Variants in BRCA2 observed in about 807,000 individuals in gnomAD.
BRCA2 encodes the protein breast cancer type 2 susceptibility protein.
BRCA2 carries 203 observed loss-of-function variants against 276.7 expected under a neutral mutation model. That is an observed-to-expected ratio of 0.73 (90% CI 0.65 to 0.82). The LOEUF (loss-of-function observed/expected upper bound fraction) is 0.82. Ranked by LOEUF, BRCA2 falls within the 40% of genes least tolerant of loss-of-function variation. BRCA2 has a pLI of 0.00. For missense variants in BRCA2, 3,920 were observed against 3,915.0 expected (o/e 1.00, Z -0.03); for synonymous variants, 1,289 against 1,338.4 (o/e 0.96, Z 0.81).
chr13:32,324,788 G>A (rs373015537), intron 3 of BRCA2, among the ~76,000 whole-genome samples: 8 of 152,050 alleles, frequency 5.3e-5, no homozygotes, highest in African/African-American at 1.7e-4. Flanking sequence ...CCACACCAGC[G>A]TTTTCTTTGT....
At chr13:32,361,874 C>CT (rs919894392) in intron 16 of BRCA2, among the ~76,000 whole-genome samples, 18 of 152,132 alleles carry the variant, frequency 1.2e-4, no homozygotes, top group African/African-American at 4.1e-4. Flanking sequence ...AGCACCAAGA[C>CT]TAAGAAAGGC....
intron 16 of BRCA2, among the ~76,000 whole-genome samples, chr13:32,359,222 GAAAAAAAA>G (rs67041705): frequency 2.0e-4 from 21 of 107,384 alleles, no homozygotes; most frequent in African/African-American, 5.3e-4. Flanking sequence ...TCCATCTCAA[GAAAAAAAA>G]AAAAAAAAAA....
intron 16 of BRCA2, among the ~76,000 whole-genome samples, chr13:32,360,425 T>C (rs1239012759): frequency 6.6e-6 from 1 of 152,170 alleles, no homozygotes; most frequent in African/African-American, 2.4e-5. Flanking sequence ...AGTGGTGCAA[T>C]CTCGGCTCAC....
rs80358708 is a variant in BRCA2 at position 32,339,209 on chromosome 13, T to A, written c.4854T>A (p.Asp1618Glu). ...TGGTGCCACCTAAGCTCTTAAGTGA[T>A]AATTTATGTAGACAAACTGAAAATC... ...ETVVPPKLLS[D>E]NLCRQTENLK... The change falls in exon 11 of 27, where the codon GAT (aspartate) becomes GAA (glutamate). Residue 1618 changes from aspartate to glutamate, a missense_variant. Transcript: ENST00000380152. 26 of 1,613,466 alleles carry A rather than the reference T, an allele frequency of 1.6e-5. No homozygotes were observed. The East Asian group carries it at 5.6e-4, about 35-fold the overall frequency.
rs2072416501 is a variant in BRCA2, at chr13:32,333,045, C to A, written c.1567C>A (p.His523Asn). 3 of 1,607,952 alleles carry A rather than the reference C, an allele frequency of 1.9e-6. No individual in the cohort carries two copies. In the South Asian group the frequency reaches 3.4e-5, roughly 18 times the overall value. ...KETFNASFSG[H>N]MTDPNFKKET... ...GACTTTCAATGCAAGTTTTTCAGGT[C>A]ATATGACTGATCCAAACTTTAAAAA... is the stretch of plus-strand genomic sequence containing the variant. Residue 523 changes from histidine to asparagine, a missense_variant, in exon 10 of 27, where the codon CAT becomes AAT. Coordinates refer to ENST00000380152, the MANE Select transcript of BRCA2 (RefSeq NM_000059.4).
intron 16 of BRCA2, among the ~76,000 whole-genome samples, chr13:32,359,296 T>TAA (rs2137570814): frequency 6.6e-6 from 1 of 151,620 alleles, no homozygotes; most frequent in South Asian, 2.1e-4. Flanking sequence ...GACACACACT[T>TAA]ACTTCATGTT....
At chr13:32,381,891 G>A (rs2072926662) in intron 24 of BRCA2, among the ~76,000 whole-genome samples, 1 of 152,182 alleles carries the variant, frequency 6.6e-6, no homozygotes, top group African/African-American at 2.4e-5. Context: ...GTATTTTGAA[G>A]GTAGGGGGAC....
chr13:32,372,969 C>T (rs892012198), intron 20 of BRCA2, among the ~76,000 whole-genome samples: 6 of 151,380 alleles, frequency 4.0e-5, no homozygotes, highest in Non-Finnish European at 8.8e-5. Context: ...CATGCAAGTC[C>T]GAAACCTAGC....
chr13:32,326,469 T>C (rs773767096), intron 6 of BRCA2, 30 bp from the exon 7 acceptor site: 40 of 1,536,254 alleles, frequency 2.6e-5, no homozygotes, highest in Non-Finnish European at 3.1e-5. Flanking sequence ...GGCATTTCTA[T>C]AAAAAATAAA....
chr13:32,347,046 T>G, intron 13 of BRCA2, 150 bp downstream of exon 13: 1 of 602,082 alleles, frequency 1.7e-6, no homozygotes, highest in Non-Finnish European at 2.8e-6. Flanking sequence ...GGTAGTATTT[T>G]ATAGTGCTGT....
chr13:32,376,521 C>CAA (rs200156944), intron 20 of BRCA2, 149 bp from the exon 21 acceptor site: 4,507 of 711,802 alleles, frequency 6.3e-3, no homozygotes, highest in East Asian at 0.015. Context: ...GACCCTGTCT[C>CAA]AAAAAAAAAA....
At chr13:32,379,947 A>AT (rs750840618) in intron 23 of BRCA2, 34 bp downstream of exon 23, 2 of 1,613,088 alleles carry the variant, frequency 1.2e-6, no homozygotes, top group Non-Finnish European at 1.7e-6. Context: ...TTCAGTTTTG[A>AT]TAAGTGCTTG....
Position 32,363,281 on chromosome 13 carries a change from A to G in BRCA2, c.8079A>G (p.Ile2693Met), listed in dbSNP as rs1566245426. 5 of 1,614,206 alleles carry G rather than the reference A, an allele frequency of 3.1e-6. No individual in the cohort carries two copies. Among genetic ancestry groups the G allele is most frequent in the Non-Finnish European group, 4.2e-6 (5 of 1,180,022 alleles). The change falls in exon 18 of 27, where the codon ATA (isoleucine) becomes ATG (methionine). Residue 2693 changes from isoleucine to methionine, a missense_variant. Physicochemically the swap from Ile to Met is conservative, Grantham distance 10. This residue lies in a region of BRCA2 where 3,263 missense variants were observed against 3,156.9 expected (regional missense o/e 1.03). Coordinates refer to ENST00000380152, the MANE Select transcript of BRCA2 (RefSeq NM_000059.4). ...AKTLVLCVSDIISLSANISET... is the reference protein window; with the variant it reads ...AKTLVLCVSDMISLSANISET... Reference sequence around the variant, plus strand: ...CACTTGTTCTCTGTGTTTCTGACATAATTTCATTGAGCGCAAATATATCTG... The same window carrying G: ...CACTTGTTCTCTGTGTTTCTGACATGATTTCATTGAGCGCAAATATATCTG...
chr13:32,318,510 C>T (rs1231433747), intron 2 of BRCA2, among the ~76,000 whole-genome samples: 3 of 151,524 alleles, frequency 2.0e-5, no homozygotes, highest in Non-Finnish European at 2.9e-5. Flanking sequence ...GGCGTGATCT[C>T]GGCTCACTGC....
In BRCA2 at chr13:32,337,648, AT is replaced by A. The variant is rs80359383; in HGVS notation, c.3295del (p.Ser1099GlnfsTer5). The part of the protein sequence containing the change: ...PQMLFSKQDF[N>X]SNHNLTPSQK... ...ATGTTATTTTCCAAGCAGGATTTTA[AT>A]TCAAACCATAATTTAACACCTAGCC... On this transcript the variant is annotated frameshift_variant, in exon 11 of 27. Transcript: ENST00000380152. LOFTEE classifies it high-confidence loss of function. The A allele has an allele frequency of 1.3e-6, 2 of 1,588,384 alleles. No individual in the cohort carries two copies. Among genetic ancestry groups the A allele is most frequent in the Non-Finnish European group, 1.7e-6 (2 of 1,168,988 alleles).
intron 24 of BRCA2, among the ~76,000 whole-genome samples, chr13:32,381,637 C>T (rs925919656): frequency 3.9e-5 from 6 of 152,062 alleles, no homozygotes; most frequent in African/African-American, 1.4e-4. Context: ...AGAGCCAGGT[C>T]GTGTGGGGGT....
intron 10 of BRCA2, among the ~76,000 whole-genome samples, chr13:32,334,124 G>A (rs575066216): frequency 2.9e-4 from 44 of 152,172 alleles, no homozygotes; most frequent in African/African-American, 1.0e-3. Context: ...ATCTTCCTTT[G>A]GGTATATACC....
At chr13:32,359,308 T>G (rs569954825) in intron 16 of BRCA2, among the ~76,000 whole-genome samples, 6 of 152,152 alleles carry the variant, frequency 3.9e-5, no homozygotes, top group Admixed American at 3.9e-4. Flanking sequence ...CTTCATGTTT[T>G]CTTTCATTAT....
chr13:32,319,461 G>A (rs948447485), intron 3 of BRCA2, 136 bp downstream of exon 3: 30 of 824,162 alleles, frequency 3.6e-5, no homozygotes, highest in Admixed American at 2.3e-4. Context: ...TTCCTCACTC[G>A]AAAAATGGAG....
Sources: allele counts gnomAD v4.1 joint callset (sites outside exome capture counted in the v4.1 genomes callset), GRCh38; gene constraint gnomAD v4.1.1; regional missense constraint gnomAD v4.1.1; transcripts MANE v1.5; gene names NCBI Gene and HGNC (gene_info 2026-07-23, HGNC 2026-07-21).